The following CNTLN variants were observed in gnomAD, a reference collection of about 807,000 sequenced individuals.
CNTLN encodes centlein, also known as centlein, centrosomal protein.
CNTLN carries 212 observed loss-of-function variants against 180.0 expected under a neutral mutation model. That is an observed-to-expected ratio of 1.18 (90% CI 1.05 to 1.32). The LOEUF (loss-of-function observed/expected upper bound fraction) is 1.32. CNTLN is among the 40% of genes most tolerant of loss of function. The pLI is 0.00. For synonymous variants in CNTLN, 722 were observed against 563.1 expected, an observed-to-expected ratio of 1.28 and a Z score of -3.99; for missense variants, 2,095 against 1,610.9, an observed-to-expected ratio of 1.30 and a Z score of -5.14.
chr9:17,290,293 T>TG (rs1164826314), intron 6 of CNTLN, among the ~76,000 whole-genome samples: 1 of 151,782 alleles, frequency 6.6e-6, no homozygotes, highest in East Asian at 1.9e-4. Context: ...CTGCCCCTGC[T>TG]GGGGGGTGCC....
chr9:17,400,293 A>G (rs936975768), intron 15 of CNTLN, among the ~76,000 whole-genome samples: 1 of 152,018 alleles, frequency 6.6e-6, no homozygotes, highest in East Asian at 1.9e-4. Context: ...GCACACCACA[A>G]TGCCCGGCTA....
intron 6 of CNTLN, among the ~76,000 whole-genome samples, chr9:17,284,295 G>C (rs976490618): frequency 1.3e-5 from 2 of 152,166 alleles, no homozygotes; most frequent in Non-Finnish European, 2.9e-5. Flanking sequence ...TTAGGGAGCA[G>C]ACCCTCCTTT....
intron 2 of CNTLN, among the ~76,000 whole-genome samples, chr9:17,144,416 T>G (rs1207803148): frequency 1.3e-5 from 2 of 152,190 alleles, no homozygotes; most frequent in African/African-American, 4.8e-5. Context: ...AGACTCCCTC[T>G]GTTTTTTTAG....
intron 7 of CNTLN, chr9:17,300,598 C>A (rs1818276687): frequency 6.6e-6 from 1 of 152,188 alleles, no homozygotes; most frequent in Admixed American, 6.5e-5. Context: ...TTGTTCTGAT[C>A]TTAAGCCTTT....
intron 2 of CNTLN, among the ~76,000 whole-genome samples, chr9:17,203,286 A>C (rs555867175): frequency 6.6e-6 from 1 of 151,856 alleles, no homozygotes; most frequent in African/African-American, 2.4e-5. Context: ...CTTCATTTCA[A>C]CGTTGGAGAA....
chr9:17,449,786 C>G (rs1263592514), intron 18 of CNTLN, among the ~76,000 whole-genome samples: 2 of 152,310 alleles, frequency 1.3e-5, no homozygotes, highest in African/African-American at 4.8e-5. Context: ...TTTTGAAAGA[C>G]ACTACCTTGC....
In CNTLN at chr9:17,466,730, T is replaced by C. The variant is rs1831771903; in HGVS notation, c.3694T>C (p.Ser1232Pro). Residue 1232 changes from serine to proline, a missense_variant, in exon 23 of 26, where the codon TCA (serine) becomes CCA (proline). Ser to Pro is a moderately conservative substitution (Grantham distance 74). Coordinates refer to ENST00000380647, the MANE Select transcript of CNTLN (RefSeq NM_017738.4). The part of the protein sequence containing the change: ...KKDLKLTLLV[S>P]RISETESAMA... The stretch of plus-strand genomic sequence containing the variant: ...GGATCTCAAGCTTACTCTCCTAGTA[T>C]CAAGAATAAGTGAGACTGAATCTGC... 1.2e-6 allele frequency: 2 copies of C among 1,609,744 alleles called. No individual in the cohort carries two copies. Among genetic ancestry groups the C allele is most frequent in the Non-Finnish European group, 1.7e-6 (2 of 1,177,342 alleles).
At chr9:17,507,694 T>C (rs747509354), downstream of CNTLN, among the ~76,000 whole-genome samples, 2 of 152,214 alleles carry the variant, frequency 1.3e-5, no homozygotes, top group Non-Finnish European at 2.9e-5. Flanking sequence ...ATCAAAAAGA[T>C]GATTTTTTAA....
rs181408598 is a variant in CNTLN, at chr9:17,335,472, G to A, written c.1644+2742G>A. ...GCAGAGGTTGCAGTGAGTCGAGATC[G>A]TACCACTGCACTCCAGCCTGGTGAC... On this transcript the variant is annotated intron_variant, in intron 10 of 25. Coordinates refer to ENST00000380647, the MANE Select transcript of CNTLN (RefSeq NM_017738.4). Among the ~76,000 whole-genome samples the A allele has an allele frequency of 3.1e-3, 472 of 151,922 alleles. 4 individuals carry two copies. Among genetic ancestry groups the A allele is most frequent in the African/African-American group, 0.011 (450 of 41,456 alleles).
intron 18 of CNTLN, among the ~76,000 whole-genome samples, chr9:17,436,208 T>C (rs906770160): frequency 4.6e-5 from 7 of 152,234 alleles, no homozygotes; most frequent in Non-Finnish European, 8.8e-5. Context: ...TACTATTGTT[T>C]AGTTTATGAT....
intron 12 of CNTLN, among the ~76,000 whole-genome samples, chr9:17,348,873 GT>G (rs1165811044): frequency 6.6e-6 from 1 of 152,040 alleles, no homozygotes; most frequent in Non-Finnish European, 1.5e-5. Context: ...TTTTTGTTTT[GT>G]TTTTTCCCCC....
chr9:17,425,774 T>C (rs1829041001), intron 18 of CNTLN, among the ~76,000 whole-genome samples: 1 of 152,162 alleles, frequency 6.6e-6, no homozygotes, highest in South Asian at 2.1e-4. Flanking sequence ...TGAATTGTGT[T>C]CTAGTGTTTT....
In CNTLN at chr9:17,426,464, C is replaced by T. The variant is rs140542451; in HGVS notation, c.3114+10275C>T. Among the ~76,000 whole-genome samples the T allele has an allele frequency of 7.1e-3, 1,086 of 152,068 alleles. 12 individuals carry two copies. The highest frequency in any genetic ancestry group is 0.024 in the African/African-American group (1,008 of 41,512). On this transcript the variant is annotated intron_variant, in intron 18 of 25. Coordinates refer to ENST00000380647, the MANE Select transcript of CNTLN (RefSeq NM_017738.4). ...TGTTTGTCTTGTTTCGATAGTCTTC[C>T]TACATCTTACATATTGTTATCTGAG...
intron 2 of CNTLN, among the ~76,000 whole-genome samples, chr9:17,220,906 T>C (rs563874988): frequency 6.6e-6 from 1 of 152,264 alleles, no homozygotes; most frequent in Admixed American, 6.5e-5. Flanking sequence ...GCAGTGAATA[T>C]ATGGGTGCAT....
At chr9:17,528,077 AT>A in the CNTLN span, among the ~76,000 whole-genome samples, 1 of 152,108 alleles carries the variant, frequency 6.6e-6, no homozygotes, top group Non-Finnish European at 1.5e-5. Flanking sequence ...GAAAATAAAG[AT>A]AGAAGAAACA....
chr9:17,364,580 T>C (rs566272191), intron 12 of CNTLN, among the ~76,000 whole-genome samples: 245 of 152,348 alleles, frequency 1.6e-3, no homozygotes, highest in African/African-American at 5.5e-3. Flanking sequence ...GTAATTTTGA[T>C]TATTCTCTTA....
intron 25 of CNTLN, among the ~76,000 whole-genome samples, chr9:17,489,231 TAG>T (rs1833030987): frequency 1.3e-5 from 2 of 152,144 alleles, no homozygotes; most frequent in South Asian, 4.1e-4. Flanking sequence ...AGCCTTTTTT[TAG>T]AGTCTGAGTT....
rs574084328 is a variant in CNTLN at position 17,495,486 on chromosome 9, A to T, written c.4120-7065A>T. ...AAAATAAAAAAATACAAAATTATTT[A>T]TATCCTTACAGAATAAGGATATAAA... On this transcript the variant is annotated intron_variant, in intron 25 of 25. Coordinates refer to ENST00000380647, the MANE Select transcript of CNTLN (RefSeq NM_017738.4). 7.2e-5 allele frequency among the ~76,000 whole-genome samples: 11 copies of T among 152,312 alleles called. No homozygotes were observed. The South Asian group carries it at 1.9e-3, about 26-fold the overall frequency.
intron 6 of CNTLN, among the ~76,000 whole-genome samples, chr9:17,294,024 A>C (rs753900015): frequency 6.6e-6 from 1 of 152,176 alleles, no homozygotes; most frequent in African/African-American, 2.4e-5. Flanking sequence ...TACAGTTCTT[A>C]AAAGCGGCGT....
Sources: allele counts gnomAD v4.1 joint callset (sites outside exome capture counted in the v4.1 genomes callset), GRCh38; gene constraint gnomAD v4.1.1; transcripts MANE v1.5; gene names NCBI Gene and HGNC (gene_info 2026-07-23, HGNC 2026-07-21).